SLC6A19: variants seen among roughly 807,000 people sequenced by gnomAD.
The protein encoded by SLC6A19 is sodium-dependent neutral amino acid transporter B(0)AT1.
Under a neutral mutation model 68.3 loss-of-function variants are expected in SLC6A19, and 67 were observed. The ratio of observed to expected loss-of-function variants is 0.98; its 90% CI spans 0.81 to 1.20. The LOEUF is 1.20. Ranked by LOEUF, SLC6A19 falls within the 50% of genes most tolerant of loss-of-function variation. SLC6A19 has a pLI of 0.00. For missense variants in SLC6A19, 813 were observed against 851.6 expected (o/e 0.95, Z 0.56); for synonymous variants, 392 against 374.9 (o/e 1.05, Z -0.53).
At position 1,215,635 on chromosome 5, in the gene SLC6A19, G is replaced by A. The variant is rs886155730; in HGVS notation, c.888-923G>A. 2.6e-5 allele frequency among the ~76,000 whole-genome samples: 4 copies of A among 152,242 alleles called. No individual in the cohort carries two copies. The highest frequency in any genetic ancestry group is 9.6e-5 in the African/African-American group (4 of 41,462). ...TCATGGTGTGCATGGGCTACGGTTT[G>A]TGCATATCCATCCATGGACATTTTC... On this transcript the variant is annotated intron_variant, in intron 6 of 11. Transcript: ENST00000304460. The surrounding 1 kb of genome is among the most constrained non-coding windows in gnomAD (Gnocchi z 5.1).
chr5:1,203,343 G>C (rs1308842095), intron 1 of SLC6A19, among the ~76,000 whole-genome samples: 1 of 152,188 alleles, frequency 6.6e-6, no homozygotes, highest in Non-Finnish European at 1.5e-5. Flanking sequence ...TGGAGCCTGG[G>C]AGCGAGCAGC....
intron 1 of SLC6A19, 42 bp from the exon 2 acceptor site, chr5:1,208,704 C>T (rs757978354): frequency 2.5e-6 from 4 of 1,612,910 alleles, no homozygotes; most frequent in Non-Finnish European, 3.4e-6. Context: ...TCCTGCTCCC[C>T]CGGGAACGGC....
intron 1 of SLC6A19, among the ~76,000 whole-genome samples, chr5:1,205,751 T>A (rs997692739): frequency 1.3e-5 from 2 of 151,744 alleles, no homozygotes; most frequent in Admixed American, 1.3e-4. Flanking sequence ...GAGTTTCAAA[T>A]CAAGCTCTTG....
In SLC6A19 at chr5:1,210,899, A is replaced by T. The variant is rs562750334; in HGVS notation, c.481+318A>T. Among the ~76,000 whole-genome samples the T allele has an allele frequency of 3.9e-5, 6 of 152,256 alleles. No individual in the cohort carries two copies. The South Asian group carries it at 1.2e-3, about 32-fold the overall frequency. On this transcript the variant is annotated intron_variant, in intron 3 of 11. Transcript: ENST00000304460. ...TGCTCCCTATTCTCTAGGAAGGGAC[A>T]TGGTGTCAGGACTGCCGCCTCCCGC...
rs1422205725 is a variant in SLC6A19, at chr5:1,219,014, C to T, written c.1285C>T (p.Leu429=). 1 of 1,614,048 alleles carries T rather than the reference C, an allele frequency of 6.2e-7. No individual in the cohort carries two copies. The highest frequency in any genetic ancestry group is 2.2e-5 in the East Asian group (1 of 44,856). ...LFFIMLFCLG[L]SSMFGNMEGV... ...CTTCATTATGCTCTTCTGCCTGGGG[C>T]TGTCATCTATGTTTGGGAACATGGA... is the stretch of plus-strand genomic sequence containing the variant. Residue 429 remains leucine (L), a synonymous_variant, in exon 9 of 12, where the codon CTG becomes TTG. Coordinates refer to ENST00000304460, the MANE Select transcript of SLC6A19 (RefSeq NM_001003841.3).
intron 4 of SLC6A19, 28 bp from the exon 5 acceptor site, chr5:1,213,435 C>A: frequency 6.6e-7 from 1 of 1,515,618 alleles, no homozygotes; most frequent in Non-Finnish European, 8.9e-7. Context: ...CAACTTCCCG[C>A]CCATCCCACA....
chr5:1,220,746 G>A (rs975334010), intron 10 of SLC6A19, among the ~76,000 whole-genome samples: 10 of 152,206 alleles, frequency 6.6e-5, no homozygotes, highest in African/African-American at 2.4e-4. Flanking sequence ...GTTCAGCAGA[G>A]GATGGGAATT....
At position 1,214,732 on chromosome 5, in the gene SLC6A19, G is replaced by C. The variant is rs1456559196; in HGVS notation, c.887+667G>C. Among the ~76,000 whole-genome samples the C allele has an allele frequency of 6.6e-6, 1 of 151,546 alleles. No individual in the cohort carries two copies. The highest frequency in any genetic ancestry group is 1.9e-4 in the East Asian group (1 of 5,194). On this transcript the variant is annotated intron_variant, in intron 6 of 11. Transcript: ENST00000304460. The surrounding 1 kb of genome is among the most constrained non-coding windows in gnomAD (Gnocchi z 7.4). ...GCAGAAGGGGCTGGGGGTGAGGGAG[G>C]ACTCCTAGGGGTCAGGGTGGCCCTC...
chr5:1,202,491 C>T (rs910969135), intron 1 of SLC6A19, among the ~76,000 whole-genome samples: 1 of 152,322 alleles, frequency 6.6e-6, no homozygotes. Context: ...TGTTCCTGCC[C>T]AGTGGTCCTG....
At chr5:1,213,712 A>G in intron 5 of SLC6A19, 139 bp downstream of exon 5, 7 of 1,071,896 alleles carry the variant, frequency 6.5e-6, no homozygotes, top group East Asian at 5.2e-5. Flanking sequence ...GAGGAGGTCC[A>G]CGGGGCCAGC....
At position 1,209,187 on chromosome 5, in the gene SLC6A19, C is replaced by T. The variant is rs1448623276; in HGVS notation, c.343+301C>T. ...ACCACTCAAGCCCTGCCCATGGCGG[C>T]GCTCAGCGAGAGCCCAGGGCCCAGG... On this transcript the variant is annotated intron_variant, in intron 2 of 11. Transcript: ENST00000304460. This position sits in a 1 kb window ranked among gnomAD's most constrained non-coding sequence, Gnocchi z 5.5. 6.6e-6 allele frequency among the ~76,000 whole-genome samples: 1 copy of T among 152,062 alleles called. No homozygotes were observed. Among genetic ancestry groups the T allele is most frequent in the African/African-American group, 2.4e-5 (1 of 41,402 alleles).
rs144753758 is a variant in SLC6A19, at chr5:1,213,949, G to T, written c.775-4G>T. On this transcript the variant is annotated splice_polypyrimidine_tract_variant and splice_region_variant and intron_variant, in intron 5 of 11. Coordinates refer to ENST00000304460, the MANE Select transcript of SLC6A19 (RefSeq NM_001003841.3). ...GAGTGGCTGAGGGTCTCCATGTGGC[G>T]CAGGTCACGGAGCTGGCCCAGCCGG... The T allele has an allele frequency of 6.2e-7, 1 of 1,612,860 alleles. No individual in the cohort carries two copies. The highest frequency in any genetic ancestry group is 1.1e-5 in the South Asian group (1 of 91,078).
chr5:1,208,889 G>C lies in SLC6A19; in HGVS notation c.343+3G>C. 1.2e-6 allele frequency: 2 copies of C among 1,611,062 alleles called. No homozygotes were observed. The highest frequency in any genetic ancestry group is 2.2e-5 in the South Asian group (2 of 91,002). On this transcript the variant is annotated splice_donor_region_variant and intron_variant, in intron 2 of 11. Transcript: ENST00000304460. ...CCACCCGGCCCTGAAGGGCCTAGGT[G>C]AGTGCCTCGGAGCAGTTCCACCCGG...
At chr5:1,202,412 T>C (rs1344171980) in intron 1 of SLC6A19, among the ~76,000 whole-genome samples, 1 of 152,182 alleles carries the variant, frequency 6.6e-6, no homozygotes, top group African/African-American at 2.4e-5. Context: ...CAAGCCTGAC[T>C]GCTCCTCGTT....
At position 1,209,002 on chromosome 5, in the gene SLC6A19, G is replaced by C. The variant is rs1193061211; in HGVS notation, c.343+116G>C. The stretch of plus-strand genomic sequence containing the variant: ...TCGGTGCCCCTGCTCTGCCTTCCCT[G>C]TCTGTTTCTGGTGCAACAAAGGTCC... On this transcript the variant is annotated intron_variant, in intron 2 of 11. Coordinates refer to ENST00000304460, the MANE Select transcript of SLC6A19 (RefSeq NM_001003841.3). The surrounding 1 kb of genome is among the most constrained non-coding windows in gnomAD (Gnocchi z 5.5). 1 of 1,363,064 alleles carries C rather than the reference G, an allele frequency of 7.3e-7. No homozygotes were observed. The highest frequency in any genetic ancestry group is 9.8e-7 in the Non-Finnish European group (1 of 1,019,720). 84.4% of individuals were successfully genotyped at this position (1,363,064 alleles called of 1,614,324 possible). A position where few individuals can be genotyped will look rare whatever the true frequency, so the allele number is the denominator to read the frequency against.
chr5:1,212,199 C>G lies in SLC6A19; in HGVS notation c.482-104C>G. The G allele has an allele frequency of 6.9e-7, 1 of 1,445,334 alleles. No homozygotes were observed. The highest frequency in any genetic ancestry group is 9.6e-7 in the Non-Finnish European group (1 of 1,045,128). 89.5% of individuals were successfully genotyped at this position (1,445,334 alleles called of 1,614,324 possible). A position where few individuals can be genotyped will look rare whatever the true frequency, so the allele number is the denominator to read the frequency against. ...GCACGTGTGGGCGTGTCACTGGTGT[C>G]AAGGCCTCTGGAACGTGGCTGGCAT... On this transcript the variant is annotated intron_variant, in intron 3 of 11. Transcript: ENST00000304460. This position sits in a 1 kb window ranked among gnomAD's most constrained non-coding sequence, Gnocchi z 5.1.
chr5:1,209,469 C>T lies in SLC6A19; in HGVS notation c.343+583C>T, dbSNP rs574506461. ...ACCTGCCCTTCGGAAGCCTGCAGGC[C>T]TGGAGCAGAGCCTACACCCTCATCC... On this transcript the variant is annotated intron_variant, in intron 2 of 11. Transcript: ENST00000304460. This position sits in a 1 kb window ranked among gnomAD's most constrained non-coding sequence, Gnocchi z 5.5. Among the ~76,000 whole-genome samples, 6 of 152,146 alleles carry T rather than the reference C, an allele frequency of 3.9e-5. No individual in the cohort carries two copies. The South Asian group carries it at 1.2e-3, about 32-fold the overall frequency.
rs1746172551 is a variant in SLC6A19 at position 1,215,131 on chromosome 5, G to C, written c.887+1066G>C. On this transcript the variant is annotated intron_variant, in intron 6 of 11. Transcript: ENST00000304460. This position sits in a 1 kb window ranked among gnomAD's most constrained non-coding sequence, Gnocchi z 5.1. ...CCCTGGGTGCTGAGGGCAGGTGCTAGGAGGACCCCTGGGCACTGCAGGCAG... is the reference window on the plus strand; with the variant it reads ...CCCTGGGTGCTGAGGGCAGGTGCTACGAGGACCCCTGGGCACTGCAGGCAG... Among the ~76,000 whole-genome samples, 1 of 152,090 alleles carries C rather than the reference G, an allele frequency of 6.6e-6. No individual in the cohort carries two copies. Among genetic ancestry groups the C allele is most frequent in the East Asian group, 1.9e-4 (1 of 5,190 alleles).
At chr5:1,210,322 T>G (rs1745988898) in intron 2 of SLC6A19, 122 bp from the exon 3 acceptor site, 2 of 1,432,816 alleles carry the variant, frequency 1.4e-6, no homozygotes, top group Admixed American at 3.9e-5. Context: ...CCCCTCAGAT[T>G]CTGGAGTAGC....
Sources: allele counts gnomAD v4.1 joint callset (sites outside exome capture counted in the v4.1 genomes callset), GRCh38; gene constraint gnomAD v4.1.1; non-coding constraint Gnocchi (gnomAD v3.1); transcripts MANE v1.5; gene names NCBI Gene and HGNC (gene_info 2026-07-23, HGNC 2026-07-21).